The following ALDH1L1 variants were observed in gnomAD, a reference collection of about 807,000 sequenced individuals.
The protein encoded by ALDH1L1 is aldehyde dehydrogenase 1 family member L1.
A neutral mutation model predicts 101.1 loss-of-function variants in ALDH1L1; 68 were observed. The observed-to-expected ratio is 0.67, with a 90% CI of 0.55 to 0.82. The LOEUF (loss-of-function observed/expected upper bound fraction) is 0.82, where lower values mean the gene tolerates loss of function less well. Ranked by LOEUF, ALDH1L1 falls within the 40% of genes least tolerant of loss-of-function variation. The pLI, the probability that ALDH1L1 is intolerant of heterozygous loss-of-function variation, is 0.00. For synonymous variants in ALDH1L1, 486 were observed against 470.8 expected (o/e 1.03, Z -0.42); for missense variants, 1,087 against 1,172.7 (o/e 0.93, Z 1.07).
intron 8 of ALDH1L1, among the ~76,000 whole-genome samples, chr3:126,150,001 T>G (rs1482610440): frequency 6.6e-6 from 1 of 152,196 alleles, no homozygotes; most frequent in East Asian, 1.9e-4. Context: ...GGAGACCAGG[T>G]GTGCCTTATG....
chr3:126,107,335 C>A, intron 20 of ALDH1L1, 89 bp from the exon 21 acceptor site: 1 of 1,061,324 alleles, frequency 9.4e-7, no homozygotes, highest in South Asian at 1.3e-5. Flanking sequence ...GCCACACCAG[C>A]CACCTGCGGA....
intron 1 of ALDH1L1, among the ~76,000 whole-genome samples, chr3:126,187,143 T>A (rs1302163020): frequency 6.6e-6 from 1 of 152,018 alleles, no homozygotes; most frequent in Non-Finnish European, 1.5e-5. Context: ...GGGGAAAGGC[T>A]GTAATGAGAG....
Position 126,146,848 on chromosome 3 carries a change from C to T in ALDH1L1, c.1063G>A (p.Val355Met), listed in dbSNP as rs1239852303. The T allele has an allele frequency of 1.9e-6, 3 of 1,614,178 alleles. No homozygotes were observed. Among genetic ancestry groups the T allele is most frequent in the Non-Finnish European group, 2.5e-6 (3 of 1,180,016 alleles). The change falls in exon 9 of 23, where the codon GTG (valine) becomes ATG (methionine). Residue 355 changes from valine to methionine, a missense_variant. By Grantham distance (21) the Val-to-Met change is conservative (BLOSUM62 1). This residue lies in a region of ALDH1L1 where 645 missense variants were observed against 637.0 expected (regional missense o/e 1.01). Transcript: ENST00000393434. ...TCCTGGCCTTACCTCACAACGTCCACAGACGCGGCCCCTGACTTGAAGAAA... is the reference window on the plus strand; with the variant it reads ...TCCTGGCCTTACCTCACAACGTCCATAGACGCGGCCCCTGACTTGAAGAAA... ...TDFFKSGAASVDVVRLVEEVK... is the reference protein window; with the variant it reads ...TDFFKSGAASMDVVRLVEEVK...
rs550614591 is a variant in ALDH1L1, at chr3:126,109,941, C to T, written c.2347+3G>A. 19 of 1,613,652 alleles carry T rather than the reference C, an allele frequency of 1.2e-5. No homozygotes were observed. In the South Asian group the frequency reaches 1.9e-4, roughly 16 times the overall value. ...CAAGCGGACCTGACACACTCTGACT[C>T]ACCTGGCCGAGGGACCTGATTCCCG... On this transcript the variant is annotated splice_donor_region_variant and intron_variant, in intron 20 of 22. Transcript: ENST00000393434.
chr3:126,167,347 T>C (rs779231210), intron 1 of ALDH1L1, among the ~76,000 whole-genome samples: 1 of 152,214 alleles, frequency 6.6e-6, no homozygotes, highest in African/African-American at 2.4e-5. Context: ...ATTTCACTTA[T>C]AGACCTAACT....
intron 16 of ALDH1L1, among the ~76,000 whole-genome samples, chr3:126,122,042 T>C (rs2080090095): frequency 6.6e-6 from 1 of 152,074 alleles, no homozygotes; most frequent in African/African-American, 2.4e-5. Context: ...GCAGAACAAG[T>C]GCAAAGAAAG....
chr3:126,144,106 T>A (rs2080623756), intron 9 of ALDH1L1, among the ~76,000 whole-genome samples: 1 of 152,062 alleles, frequency 6.6e-6, no homozygotes, highest in Non-Finnish European at 1.5e-5. Context: ...AATAAAACAA[T>A]TCCCTTTACA....
At chr3:126,191,779 C>G (rs957082750) in intron 1 of ALDH1L1, among the ~76,000 whole-genome samples, 1 of 152,144 alleles carries the variant, frequency 6.6e-6, no homozygotes, top group African/African-American at 2.4e-5. Context: ...GGCTTTCCAT[C>G]AAAACTTTGT....
At chr3:126,190,215 G>A (rs1023314700) in intron 1 of ALDH1L1, among the ~76,000 whole-genome samples, 2 of 152,210 alleles carry the variant, frequency 1.3e-5, no homozygotes, top group African/African-American at 4.8e-5. Flanking sequence ...GAAGTTGAAT[G>A]AAGTTCATCT....
intron 22 of ALDH1L1, chr3:126,104,141 G>T: frequency 2.0e-6 from 1 of 491,394 alleles, no homozygotes; most frequent in Non-Finnish European, 3.7e-6. Context: ...GGAAGGGGGT[G>T]GAGAGACTTG....
At chr3:126,155,266 TG>T in intron 5 of ALDH1L1, 135 bp downstream of exon 5, 1 of 683,220 alleles carries the variant, frequency 1.5e-6, no homozygotes, top group Non-Finnish European at 2.3e-6. Flanking sequence ...ATCCCTGACC[TG>T]GGCTGCCCTG....
At chr3:126,160,771 C>T in intron 2 of ALDH1L1, 82 bp downstream of exon 2, 1 of 1,565,312 alleles carries the variant, frequency 6.4e-7, no homozygotes. Flanking sequence ...CTTCTGCTCC[C>T]AGACTCCCAC....
Position 126,104,059 on chromosome 3 carries a change from TC to T in ALDH1L1, c.2654-214del, listed in dbSNP as rs529956906. ...AGGACTCCCCAGAATACAAAGCCAA[TC>T]TGAGGCAGCCATTTAAGAATCTTCC... is the stretch of plus-strand genomic sequence containing the variant. On this transcript the variant is annotated intron_variant, in intron 22 of 22. Transcript: ENST00000393434. 19 of 596,120 alleles carry T rather than the reference TC, an allele frequency of 3.2e-5. No individual in the cohort carries two copies. The African/African-American group carries it at 3.5e-4, about 11-fold the overall frequency. The allele number at this position is 596,120 out of a possible 1,614,324, so 36.9% of individuals were successfully genotyped here.
chr3:126,186,116 C>A (rs982808552), upstream of ALDH1L1, among the ~76,000 whole-genome samples: 1 of 152,030 alleles, frequency 6.6e-6, no homozygotes, highest in Non-Finnish European at 1.5e-5. Context: ...GATGGTTGCA[C>A]GACAGTGTGA....
chr3:126,197,359 A>G (rs1469348010), intron 1 of ALDH1L1, among the ~76,000 whole-genome samples: 2 of 152,226 alleles, frequency 1.3e-5, no homozygotes, highest in East Asian at 1.9e-4. Context: ...AACTTAGCCA[A>G]TGAATTTTTT....
At chr3:126,121,332 A>C (rs868091510) in intron 16 of ALDH1L1, among the ~76,000 whole-genome samples, 112 of 152,300 alleles carry the variant, frequency 7.4e-4, no homozygotes, top group African/African-American at 2.6e-3. Context: ...GCCCTGGCAA[A>C]CTCACATACA....
rs148775674 is a variant in ALDH1L1 at position 126,136,803 on chromosome 3, G to A, written c.1305C>T (p.Gly435=). Residue 435 remains glycine, a synonymous_variant, in exon 11 of 23, where the codon GGC becomes GGT. Coordinates refer to ENST00000393434, the MANE Select transcript of ALDH1L1 (RefSeq NM_012190.4). Reference sequence around the variant, plus strand: ...GATTGATGGTCTCAGAGGTCTTGGCGCCCTCGGCATCCACGAACTCCCCCC... The same window carrying A: ...GATTGATGGTCTCAGAGGTCTTGGCACCCTCGGCATCCACGAACTCCCCCC... ...FIGGEFVDAE[G]AKTSETINPT... 4.8e-5 allele frequency: 77 copies of A among 1,595,424 alleles called. 1 individual carries two copies. Among genetic ancestry groups the A allele is most frequent in the East Asian group, 3.4e-4 (15 of 44,372 alleles).
chr3:126,143,083 A>G (rs1376035856), intron 9 of ALDH1L1, among the ~76,000 whole-genome samples: 2 of 152,176 alleles, frequency 1.3e-5, no homozygotes, highest in East Asian at 3.8e-4. Context: ...CAGTTGGGAA[A>G]CTCATCTAAC....
rs2080758020 is a variant in ALDH1L1 at position 126,149,129 on chromosome 3, G to T, written c.984+1277C>A. On this transcript the variant is annotated intron_variant, in intron 8 of 22. Transcript: ENST00000393434. ...TGGACGGTTTGCAAACTGGTCACTG[G>T]AATAAAGTCTCTGTTCTCCAAACTC... Among the ~76,000 whole-genome samples, 4 of 152,186 alleles carry T rather than the reference G, an allele frequency of 2.6e-5. No individual in the cohort carries two copies. The South Asian group carries it at 8.3e-4, about 31-fold the overall frequency.
Sources: allele counts gnomAD v4.1 joint callset (sites outside exome capture counted in the v4.1 genomes callset), GRCh38; gene constraint gnomAD v4.1.1; regional missense constraint gnomAD v4.1.1; transcripts MANE v1.5; gene names NCBI Gene and HGNC (gene_info 2026-07-23, HGNC 2026-07-21).